USP20: variants seen among roughly 807,000 people sequenced by gnomAD.
USP20 encodes ubiquitin specific peptidase 20, also known as ubiquitin carboxyl-terminal hydrolase 20.
USP20 carries 80 observed loss-of-function variants against 124.2 expected under a neutral mutation model. The ratio of observed to expected loss-of-function variants is 0.64; its 90% CI spans 0.54 to 0.78. The LOEUF (loss-of-function observed/expected upper bound fraction) is 0.78, where lower values mean the gene tolerates loss of function less well. Ranked by LOEUF, USP20 falls within the 30% of genes least tolerant of loss-of-function variation. USP20 has a pLI of 0.00. For synonymous variants in USP20, 481 were observed against 512.3 expected (o/e 0.94, Z 0.83); for missense variants, 1,043 against 1,244.4 (o/e 0.84, Z 2.44).
chr9:129,870,423 A>G, intron 14 of USP20, 30 bp from the exon 15 acceptor site: 1 of 1,609,758 alleles, frequency 6.2e-7, no homozygotes, highest in Non-Finnish European at 8.5e-7. Flanking sequence ...AGGCCCTGGC[A>G]GCACCCCTGC....
rs1244529136 is a variant in USP20, at chr9:129,863,232, A to C, written c.544A>C (p.Thr182Pro). Residue 182 changes from threonine to proline, a missense_variant, in exon 9 of 26, where the codon ACA becomes CCA. Thr to Pro is a conservative substitution (Grantham distance 38). Coordinates refer to ENST00000372429, the MANE Select transcript of USP20 (RefSeq NM_001110303.4). ...FFLECGGLVRTDKKPALCKSY... is the reference protein window; with the variant it reads ...FFLECGGLVRPDKKPALCKSY... ...CTTGGAGTGTGGCGGCCTGGTGCGCACAGATAAGAAGCCAGCCCTGTGCAA... is the reference window on the plus strand; with the variant it reads ...CTTGGAGTGTGGCGGCCTGGTGCGCCCAGATAAGAAGCCAGCCCTGTGCAA... 4 of 1,550,370 alleles carry C rather than the reference A, an allele frequency of 2.6e-6. No homozygotes were observed. The highest frequency in any genetic ancestry group is 3.5e-6 in the Non-Finnish European group (4 of 1,145,510).
At chr9:129,861,362 G>T (rs1475289430) in intron 7 of USP20, among the ~76,000 whole-genome samples, 181 bp from the exon 8 acceptor site, 1 of 152,210 alleles carries the variant, frequency 6.6e-6, no homozygotes, top group East Asian at 1.9e-4. Flanking sequence ...AACCGCAGCT[G>T]TTGTGAGCAG....
intron 4 of USP20, among the ~76,000 whole-genome samples, 159 bp from the exon 5 acceptor site, chr9:129,857,891 C>G (rs2033296731): frequency 6.6e-6 from 1 of 152,240 alleles, no homozygotes; most frequent in African/African-American, 2.4e-5. Flanking sequence ...GGTGTACAGA[C>G]CTACAGACCC....
At chr9:129,844,228 C>T (rs2032402634) in intron 1 of USP20, among the ~76,000 whole-genome samples, 1 of 151,978 alleles carries the variant, frequency 6.6e-6, no homozygotes, top group Admixed American at 6.6e-5. Context: ...ATATTATTCA[C>T]CTATTAGAAA....
chr9:129,870,088 A>G (rs2039025), intron 14 of USP20: 524,604 of 583,314 alleles, frequency 0.9, 237,239 homozygotes, highest in East Asian at 1. Context: ...AGGTGACCAC[A>G]TGGCAGGTTG....
chr9:129,867,527 G>A (rs1197971655), intron 10 of USP20, among the ~76,000 whole-genome samples: 2 of 152,086 alleles, frequency 1.3e-5, no homozygotes, highest in Non-Finnish European at 2.9e-5. Context: ...TCTGGCCTGT[G>A]GGTAGCGTGG....
chr9:129,869,294 T>C lies in USP20; in HGVS notation c.1277-16T>C, dbSNP rs540664132. The C allele has an allele frequency of 5.6e-6, 9 of 1,611,494 alleles. No homozygotes were observed. In the South Asian group the frequency reaches 8.8e-5, roughly 16 times the overall value. On this transcript the variant is annotated splice_polypyrimidine_tract_variant and intron_variant, in intron 12 of 25. Coordinates refer to ENST00000372429, the MANE Select transcript of USP20 (RefSeq NM_001110303.4). ...AGGCAGGTGGAGGCTGGGCTAGTCC[T>C]GTGCTGTGTCCCCAGCCCAGGTATT...
chr9:129,873,326 C>T (rs964491928), intron 15 of USP20, among the ~76,000 whole-genome samples, 156 bp from the exon 16 acceptor site: 29 of 151,846 alleles, frequency 1.9e-4, no homozygotes, highest in African/African-American at 5.8e-4. Flanking sequence ...TCAGGGGATC[C>T]GCCCGCCTCG....
chr9:129,841,013 C>G (rs13296916), intron 1 of USP20, among the ~76,000 whole-genome samples: 24,720 of 152,096 alleles, frequency 0.16, 2,403 homozygotes, highest in Non-Finnish European at 0.21. Flanking sequence ...TCTGGTGATC[C>G]GCCAGCCTCA....
intron 1 of USP20, chr9:129,835,732 C>G (rs2031772251): frequency 6.6e-6 from 1 of 152,576 alleles, no homozygotes; most frequent in Non-Finnish European, 1.5e-5. Flanking sequence ...TCCCTGGGGG[C>G]TCGTGGCTTC....
rs146947333 is a variant in USP20, at chr9:129,877,133, C to T, written c.2409+895C>T. Reference sequence around the variant, plus strand: ...CTCCTGGCGCACTCCCTCCCTGCCACGCTACTTCTAACAGGGTTAGGACGT... The same window carrying T: ...CTCCTGGCGCACTCCCTCCCTGCCATGCTACTTCTAACAGGGTTAGGACGT... On this transcript the variant is annotated intron_variant, in intron 22 of 25. Coordinates refer to ENST00000372429, the MANE Select transcript of USP20 (RefSeq NM_001110303.4). 5.1e-4 allele frequency among the ~76,000 whole-genome samples: 77 copies of T among 152,336 alleles called. 1 individual carries two copies. In the East Asian group the frequency reaches 0.012, roughly 24 times the overall value.
At position 129,863,332 on chromosome 9, in the gene USP20, T is replaced by C. The variant is rs371926978; in HGVS notation, c.611+33T>C. On this transcript the variant is annotated intron_variant, in intron 9 of 25. Transcript: ENST00000372429. ...GCTGCATCCCTAGCCTTGGGCGGTG[T>C]GTGGGGACTGGGGTTTCCTGTCAGC... 1.1e-5 allele frequency: 16 copies of C among 1,505,928 alleles called. No individual in the cohort carries two copies. The African/African-American group carries it at 2.1e-4, about 20-fold the overall frequency. 93.3% of individuals were successfully genotyped at this position (1,505,928 alleles called of 1,614,324 possible).
intron 9 of USP20, among the ~76,000 whole-genome samples, chr9:129,864,454 A>T (rs1441195750): frequency 8.0e-6 from 1 of 124,946 alleles, no homozygotes; most frequent in African/African-American, 3.2e-5. Context: ...TGGGCGACAG[A>T]GTGAGACCCT....
chr9:129,836,487 G>A (rs2131022827), intron 1 of USP20, among the ~76,000 whole-genome samples: 1 of 152,272 alleles, frequency 6.6e-6, no homozygotes, highest in Admixed American at 6.5e-5. Context: ...TTTGCACAGG[G>A]CCTGGCACGG....
intron 8 of USP20, among the ~76,000 whole-genome samples, chr9:129,861,882 G>C (rs10819570): frequency 0.17 from 26,097 of 152,154 alleles, 2,587 homozygotes; most frequent in Middle Eastern, 0.29. Context: ...ATCTGCAAGA[G>C]AGTATAAATT....
At chr9:129,854,959 T>C (rs1042325965) in intron 3 of USP20, among the ~76,000 whole-genome samples, 5 of 152,160 alleles carry the variant, frequency 3.3e-5, no homozygotes, top group Non-Finnish European at 7.4e-5. Context: ...GAAGCCAGGC[T>C]TTCTTGGTGA....
At chr9:129,855,439 A>C (rs2033161537) in intron 3 of USP20, among the ~76,000 whole-genome samples, 2 of 152,022 alleles carry the variant, frequency 1.3e-5, no homozygotes, top group African/African-American at 4.8e-5. Context: ...TCAAAACAAA[A>C]AAAAAAAAGA....
Position 129,869,848 on chromosome 9 carries a change from C to T in USP20, c.1565+4C>T, listed in dbSNP as rs763039098. On this transcript the variant is annotated splice_donor_region_variant and intron_variant, in intron 14 of 25. Transcript: ENST00000372429. ...TCATTGTGGAGTACATCCGACGGTG[C>T]GCCCACCTTGCCACTACTGGGCGAC... is the stretch of plus-strand genomic sequence containing the variant. 260 of 1,610,618 alleles carry T rather than the reference C, an allele frequency of 1.6e-4. No individual in the cohort carries two copies. Among genetic ancestry groups the T allele is most frequent in the Non-Finnish European group, 1.8e-4 (218 of 1,178,970 alleles).
rs1233538136 is a variant in USP20 at position 129,839,686 on chromosome 9, G to A, written c.-129+4187G>A. ...CAGCGTGGGCAGGGCTGTGGGCATC[G>A]TTGTGTGGGTGGGAGGCCCAGAAGT... On this transcript the variant is annotated intron_variant, in intron 1 of 25. Transcript: ENST00000372429. The surrounding 1 kb of genome is among the most constrained non-coding windows in gnomAD (Gnocchi z 4.5). 3.3e-5 allele frequency among the ~76,000 whole-genome samples: 5 copies of A among 152,092 alleles called. No homozygotes were observed. Among genetic ancestry groups the A allele is most frequent in the Non-Finnish European group, 7.4e-5 (5 of 68,002 alleles).
Sources: gnomAD v4.1 joint callset for allele counts (sites outside exome capture counted in the v4.1 genomes callset) on GRCh38, gnomAD v4.1.1 for gene constraint, Gnocchi (gnomAD v3.1) non-coding constraint, MANE v1.5 for transcripts, NCBI Gene and HGNC (gene_info 2026-07-23, HGNC 2026-07-21) for gene names.